ZFHX3: variants seen among roughly 807,000 people sequenced by gnomAD.
ZFHX3 encodes zinc finger homeobox protein 3.
A neutral mutation model predicts 279.1 loss-of-function variants in ZFHX3; 42 were observed. The ratio of observed to expected loss-of-function variants is 0.15; its 90% confidence interval spans 0.12 to 0.19. The LOEUF is 0.19. Ranked by LOEUF, ZFHX3 falls within the 10% of genes least tolerant of loss-of-function variation. The pLI is 1.00. For synonymous variants in ZFHX3, 2,293 were observed against 1,957.8 expected, an observed-to-expected ratio of 1.17 and a Z score of -4.52; for missense variants, 4,981 against 4,754.0, an observed-to-expected ratio of 1.05 and a Z score of -1.40.
At chr16:72,985,941 TATG>T (rs1178685108) in intron 1 of ZFHX3, among the ~76,000 whole-genome samples, 2 of 152,214 alleles carry the variant, frequency 1.3e-5, no homozygotes, top group Admixed American at 6.5e-5. Context: ...AACTGTTTAT[TATG>T]ATAATTGCAG....
intron 2 of ZFHX3, among the ~76,000 whole-genome samples, chr16:73,483,902 C>G (rs945402547): frequency 6.9e-6 from 1 of 144,656 alleles, no homozygotes; most frequent in Non-Finnish European, 1.5e-5. Flanking sequence ...CTTTTCTTTT[C>G]TTCCCCTGTT....
intron 8 of ZFHX3, 42 bp downstream of exon 8, chr16:72,799,985 A>T (rs753024561): frequency 6.3e-7 from 1 of 1,577,344 alleles, no homozygotes; most frequent in Non-Finnish European, 8.7e-7. Flanking sequence ...TTGGCATTCC[A>T]TCTTGTTTCA....
chr16:72,878,700 T>C (rs1020338398), intron 4 of ZFHX3, among the ~76,000 whole-genome samples: 2 of 152,144 alleles, frequency 1.3e-5, no homozygotes, highest in African/African-American at 4.8e-5. Flanking sequence ...GTGCTACTTG[T>C]CCCGTGGATG....
chr16:73,348,584 T>C (rs975001811), intron 3 of ZFHX3, among the ~76,000 whole-genome samples: 1 of 152,220 alleles, frequency 6.6e-6, no homozygotes, highest in Non-Finnish European at 1.5e-5. Context: ...GTCGTTGACT[T>C]TGAGACTCTG....
chr16:73,092,598 G>C (rs368807617), intron 8 of ZFHX3: 3 of 237,052 alleles, frequency 1.3e-5, no homozygotes, highest in African/African-American at 2.3e-5. Flanking sequence ...GTTCCAGTAC[G>C]TTCCATCAAA....
At chr16:73,381,484 A>T (rs2016816712) in intron 3 of ZFHX3, among the ~76,000 whole-genome samples, 2 of 152,206 alleles carry the variant, frequency 1.3e-5, no homozygotes, top group African/African-American at 4.8e-5. Flanking sequence ...GAATGGAAAA[A>T]TCCTGGGAAA....
intron 2 of ZFHX3, among the ~76,000 whole-genome samples, chr16:73,637,190 T>C (rs1597040144): frequency 6.6e-6 from 1 of 151,752 alleles, no homozygotes; most frequent in Non-Finnish European, 1.5e-5. Context: ...CACAGACTAA[T>C]TGGGAGAAAA....
chr16:73,294,705 G>C (rs2014862784), intron 4 of ZFHX3, among the ~76,000 whole-genome samples: 1 of 151,896 alleles, frequency 6.6e-6, no homozygotes, highest in South Asian at 2.1e-4. Flanking sequence ...CAGCTACTCA[G>C]GGTGGCTGAG....
At chr16:72,809,449 T>C (rs889993125) in intron 7 of ZFHX3, 1 of 152,154 alleles carries the variant, frequency 6.6e-6, no homozygotes, top group Non-Finnish European at 1.5e-5. Context: ...AACCCACTGG[T>C]CCACAGAAGG....
intron 3 of ZFHX3, among the ~76,000 whole-genome samples, chr16:72,910,993 G>A (rs895141574): frequency 6.6e-6 from 1 of 152,200 alleles, no homozygotes; most frequent in Non-Finnish European, 1.5e-5. Context: ...GCAAGTAGGA[G>A]TCACAGAAGT....
chr16:73,206,452 A>T (rs888199186), intron 5 of ZFHX3, among the ~76,000 whole-genome samples: 2 of 152,092 alleles, frequency 1.3e-5, no homozygotes, highest in Admixed American at 1.3e-4. Flanking sequence ...TCTCCCTTTC[A>T]ATTTTGATCT....
At chr16:73,023,322 C>T (rs550565279) in intron 1 of ZFHX3, among the ~76,000 whole-genome samples, 26 of 152,316 alleles carry the variant, frequency 1.7e-4, no homozygotes, top group Admixed American at 3.3e-4. Flanking sequence ...GTGCAACCTC[C>T]GCACAGAGAC....
At chr16:73,772,813 T>C (rs573164904) in intron 1 of ZFHX3, among the ~76,000 whole-genome samples, 14 of 152,344 alleles carry the variant, frequency 9.2e-5, no homozygotes, top group Middle Eastern at 3.4e-3. Flanking sequence ...TAAATACATA[T>C]GCATAATTAC....
chr16:73,455,995 T>A (rs2018364875), intron 3 of ZFHX3: 3 of 152,132 alleles, frequency 2.0e-5, no homozygotes, highest in South Asian at 2.1e-4. Context: ...AGCAGAAATA[T>A]CCCTTACCTG....
chr16:73,119,997 G>C (rs1966477258), intron 7 of ZFHX3, among the ~76,000 whole-genome samples: 2 of 152,168 alleles, frequency 1.3e-5, no homozygotes, highest in Admixed American at 1.3e-4. Flanking sequence ...GCCTCCAGGA[G>C]GCTGAATTCA....
At chr16:73,684,965 C>T (rs998871895) in intron 1 of ZFHX3, among the ~76,000 whole-genome samples, 21 of 151,794 alleles carry the variant, frequency 1.4e-4, no homozygotes, top group Non-Finnish European at 2.6e-4. Flanking sequence ...TCCCAAAGTG[C>T]TGGGATTACA....
chr16:73,385,920 C>T (rs28667407), intron 3 of ZFHX3, among the ~76,000 whole-genome samples: 70,879 of 151,856 alleles, frequency 0.47, 17,006 homozygotes, highest in Non-Finnish European at 0.5. Flanking sequence ...GGTCAGGTGG[C>T]TGGGCAGGAT....
At chr16:73,413,417 G>A (rs767745386) in intron 3 of ZFHX3, among the ~76,000 whole-genome samples, 18 of 152,162 alleles carry the variant, frequency 1.2e-4, no homozygotes, top group Non-Finnish European at 2.2e-4. Flanking sequence ...GAGGGCTCTG[G>A]GCACCTTGCG....
intron 2 of ZFHX3, among the ~76,000 whole-genome samples, chr16:73,508,024 C>T (rs552084261): frequency 2.0e-5 from 3 of 152,106 alleles, no homozygotes; most frequent in Admixed American, 6.5e-5. Flanking sequence ...GATTGATACA[C>T]GGTATTGATA....
Sources: allele counts gnomAD v4.1 joint callset (sites outside exome capture counted in the v4.1 genomes callset), GRCh38; gene constraint gnomAD v4.1.1; transcripts MANE v1.5; gene names NCBI Gene and HGNC (gene_info 2026-07-23, HGNC 2026-07-21).